Variants in AGPAT3 observed in about 807,000 individuals in gnomAD.
AGPAT3 encodes 1-acylglycerol-3-phosphate O-acyltransferase 3, also known as 1-acyl-sn-glycerol-3-phosphate acyltransferase gamma.
In AGPAT3, 5 loss-of-function variants were observed where a neutral mutation model predicts 47.3. The observed-to-expected ratio is 0.11, with a 90% CI of 0.06 to 0.22. The LOEUF is 0.22. Ranked by LOEUF, AGPAT3 falls within the 10% of genes least tolerant of loss-of-function variation. The probability of loss-of-function intolerance (pLI) is 1.00; values close to 1 mark genes in which losing one functional copy is unlikely to be tolerated. For missense variants in AGPAT3, 315 were observed against 493.0 expected (o/e 0.64, Z 3.42); for synonymous variants, 212 against 208.3 (o/e 1.02, Z -0.15).
Position 43,918,081 on chromosome 21 carries a change from G to GGTGTT in AGPAT3, c.-49+14066_-49+14070dup, listed in dbSNP as rs1455643201. On this transcript the variant is annotated intron_variant, in intron 2 of 9. Coordinates refer to ENST00000291572, the MANE Select transcript of AGPAT3 (RefSeq NM_020132.5). Reference sequence around the variant, plus strand: ...GGGTGTTGGGGTTGTGGGTGTTGTGGGTGTTGTGGGTGTTGTGTTGTGGGT... The same window carrying GGTGTT: ...GGGTGTTGGGGTTGTGGGTGTTGTGGGTGTTGTGTTGTGGGTGTTGTGTTGTGGGT... 2.8e-4 allele frequency among the ~76,000 whole-genome samples: 42 copies of GGTGTT among 147,680 alleles called. No individual in the cohort carries two copies. In the South Asian group the frequency reaches 3.9e-3, roughly 14 times the overall value.
At chr21:43,884,058 A>G (rs1234519440) in intron 1 of AGPAT3, among the ~76,000 whole-genome samples, 1 of 152,140 alleles carries the variant, frequency 6.6e-6, no homozygotes, top group South Asian at 2.1e-4. Context: ...TGATGGGTGT[A>G]AGAATCTGTC....
chr21:43,905,252 C>T (rs573407773), intron 2 of AGPAT3, among the ~76,000 whole-genome samples: 18 of 151,726 alleles, frequency 1.2e-4, no homozygotes, highest in Middle Eastern at 3.4e-3. Flanking sequence ...TGCAGTAGAA[C>T]GATCTCGGCT....
At chr21:43,906,685 C>T (rs985422113) in intron 2 of AGPAT3, among the ~76,000 whole-genome samples, 25 of 152,252 alleles carry the variant, frequency 1.6e-4, no homozygotes, top group East Asian at 7.7e-4. Context: ...CCCAGCAGCT[C>T]TGCTCTGAGG....
intron 3 of AGPAT3, chr21:43,960,799 G>C (rs2088795228): frequency 1.0e-6 from 1 of 983,206 alleles, no homozygotes; most frequent in Non-Finnish European, 1.2e-6. Flanking sequence ...GATTCATTTT[G>C]TGTCTTAAGA....
At chr21:43,923,886 C>T (rs1445582458) in intron 2 of AGPAT3, among the ~76,000 whole-genome samples, 1 of 152,202 alleles carries the variant, frequency 6.6e-6, no homozygotes, top group Non-Finnish European at 1.5e-5. Flanking sequence ...CAGCCCCTGT[C>T]CTTCCTGGAG....
intron 7 of AGPAT3, among the ~76,000 whole-genome samples, chr21:43,972,033 C>T (rs1056291788): frequency 6.6e-6 from 1 of 152,236 alleles, no homozygotes; most frequent in African/African-American, 2.4e-5. Context: ...TGGCCTGAAG[C>T]AGCGCTGGTG....
rs1321949555 is a variant in AGPAT3, at chr21:43,932,062, GATTA to G, written c.-48-27566_-48-27563del. ...GTGATCTATGTGTACATTGTAGAAA[GATTA>G]ATTAAGCTAATTAACATAGCTATCA... On this transcript the variant is annotated intron_variant, in intron 2 of 9. Transcript: ENST00000291572. The surrounding 1 kb of genome is among the most constrained non-coding windows in gnomAD (Gnocchi z 5.2). Among the ~76,000 whole-genome samples the G allele has an allele frequency of 6.6e-6, 1 of 152,064 alleles. No homozygotes were observed. Among genetic ancestry groups the G allele is most frequent in the East Asian group, 1.9e-4 (1 of 5,192 alleles).
intron 2 of AGPAT3, among the ~76,000 whole-genome samples, chr21:43,911,097 C>T (rs994795941): frequency 2.0e-5 from 3 of 152,186 alleles, no homozygotes; most frequent in Admixed American, 1.3e-4. Flanking sequence ...ATACATACAC[C>T]GACAGAGTTT....
chr21:43,911,133 C>T (rs1454961560), intron 2 of AGPAT3, among the ~76,000 whole-genome samples: 2 of 152,210 alleles, frequency 1.3e-5, no homozygotes, highest in African/African-American at 4.8e-5. Context: ...CGTGTCATGA[C>T]ATCTCTCTGC....
At chr21:43,958,850 G>A (rs2088636421) in intron 2 of AGPAT3, among the ~76,000 whole-genome samples, 1 of 149,368 alleles carries the variant, frequency 6.7e-6, no homozygotes. Context: ...TGTGGCATGT[G>A]TGGTTTGCGG....
Position 43,982,404 on chromosome 21 carries a change from G to T in AGPAT3, c.*12G>T. On this transcript the variant is annotated 3_prime_UTR_variant, in exon 10 of 10. Coordinates refer to ENST00000291572, the MANE Select transcript of AGPAT3 (RefSeq NM_020132.5). The surrounding 1 kb of genome is among the most constrained non-coding windows in gnomAD (Gnocchi z 6.2). ...AGAAAAAGGAATAATTAATGGCTGT[G>T]ACTGAACACACGCGGCCCTGACGGT... The T allele has an allele frequency of 6.2e-7, 1 of 1,601,160 alleles. No homozygotes were observed. Among genetic ancestry groups the T allele is most frequent in the South Asian group, 1.1e-5 (1 of 90,754 alleles).
At chr21:43,977,833 G>A (rs2089677156) in intron 7 of AGPAT3, among the ~76,000 whole-genome samples, 1 of 151,670 alleles carries the variant, frequency 6.6e-6, no homozygotes, top group African/African-American at 2.4e-5. Context: ...GTTGCAGTGA[G>A]CAGAGATCGC....
intron 2 of AGPAT3, among the ~76,000 whole-genome samples, chr21:43,947,817 G>C (rs2146445789): frequency 6.6e-6 from 1 of 151,324 alleles, no homozygotes; most frequent in East Asian, 1.9e-4. Flanking sequence ...CTAATTTTTT[G>C]TATTTTTAGT....
chr21:43,887,585 C>T (rs1483726490), intron 1 of AGPAT3, among the ~76,000 whole-genome samples: 1 of 152,186 alleles, frequency 6.6e-6, no homozygotes, highest in East Asian at 1.9e-4. Context: ...CGTGCGCACA[C>T]GCACACACAC....
chr21:43,962,208 T>C (rs1203526461), intron 3 of AGPAT3, among the ~76,000 whole-genome samples: 3 of 152,082 alleles, frequency 2.0e-5, no homozygotes, highest in South Asian at 2.1e-4. Context: ...TTCACTGTGT[T>C]AGCCAGGATG....
chr21:43,898,675 C>T (rs1211015104), intron 1 of AGPAT3, among the ~76,000 whole-genome samples: 1 of 152,108 alleles, frequency 6.6e-6, no homozygotes, highest in Non-Finnish European at 1.5e-5. Flanking sequence ...TACAGGCACC[C>T]ACCATCATGC....
intron 2 of AGPAT3, among the ~76,000 whole-genome samples, chr21:43,958,700 CATATGTGTGGTTTG>C (rs922791695): frequency 4.5e-5 from 6 of 132,448 alleles, no homozygotes; most frequent in Admixed American, 3.1e-4. Flanking sequence ...GTGTATGTGG[CATATGTGTGGTTTG>C]TGATGTGTGG....
At chr21:43,959,190 C>CAT (rs2088683320) in intron 2 of AGPAT3, among the ~76,000 whole-genome samples, 1 of 92,720 alleles carries the variant, frequency 1.1e-5, no homozygotes, top group African/African-American at 4.4e-5. Flanking sequence ...GTGTGTGTGG[C>CAT]GTGTGTGGTG....
intron 1 of AGPAT3, among the ~76,000 whole-genome samples, chr21:43,891,371 C>T (rs781616980): frequency 5.9e-5 from 9 of 152,186 alleles, no homozygotes; most frequent in East Asian, 1.9e-4. Flanking sequence ...CGGTGGCTCA[C>T]GCCTATAATC....
Sources: gnomAD v4.1 joint callset for allele counts (sites outside exome capture counted in the v4.1 genomes callset) on GRCh38, gnomAD v4.1.1 for gene constraint, Gnocchi (gnomAD v3.1) non-coding constraint, MANE v1.5 for transcripts, NCBI Gene and HGNC (gene_info 2026-07-23, HGNC 2026-07-21) for gene names.